DCN: variants seen among roughly 807,000 people sequenced by gnomAD.
DCN encodes the protein bone proteoglycan II.
Under a neutral mutation model 36.5 loss-of-function variants are expected in DCN, and 17 were observed. The observed-to-expected ratio is 0.47, with a 90% CI of 0.32 to 0.70. The LOEUF (loss-of-function observed/expected upper bound fraction) is 0.70. Among genes scored for constraint, DCN ranks in the 30% least tolerant of loss-of-function variants. The pLI is 0.04. For missense variants in DCN, 389 were observed against 430.1 expected (o/e 0.90, Z 0.84); for synonymous variants, 163 against 161.4 (o/e 1.01, Z -0.07).
chr12:91,149,128 A>G (rs1881241892), intron 7 of DCN, among the ~76,000 whole-genome samples: 1 of 151,010 alleles, frequency 6.6e-6, no homozygotes, highest in African/African-American at 2.5e-5. Context: ...AAAGCCAGAC[A>G]AAATTCATCA....
chr12:91,179,539 C>T (rs563139176), intron 1 of DCN: 2 of 152,192 alleles, frequency 1.3e-5, no homozygotes, highest in South Asian at 4.2e-4. Context: ...TTGGTCTGTC[C>T]CTCACTAGAC....
At chr12:91,174,022 G>T (rs1883141871) in intron 2 of DCN, among the ~76,000 whole-genome samples, 1 of 152,116 alleles carries the variant, frequency 6.6e-6, no homozygotes, top group Admixed American at 6.5e-5. Flanking sequence ...GTAGTTATTT[G>T]CAATGCTTCT....
intron 3 of DCN, among the ~76,000 whole-genome samples, chr12:91,161,085 C>A (rs573544647): frequency 7.2e-5 from 11 of 152,178 alleles, no homozygotes; most frequent in African/African-American, 1.9e-4. Flanking sequence ...ATGAATGAAA[C>A]AGTAAGAGAA....
intron 7 of DCN, among the ~76,000 whole-genome samples, chr12:91,148,721 CAAAAAAAAAAA>C (rs5799978): frequency 6.5e-4 from 32 of 49,478 alleles, no homozygotes; most frequent in Middle Eastern, 0.037. Context: ...CGCTCCGACT[CAAAAAAAAAAA>C]AAAAAAAAAA....
At chr12:91,157,901 T>TC (rs1881899494) in intron 4 of DCN, among the ~76,000 whole-genome samples, 1 of 152,174 alleles carries the variant, frequency 6.6e-6, no homozygotes, top group African/African-American at 2.4e-5. Flanking sequence ...GTGCTGGGAT[T>TC]ACAGGCATGA....
chr12:91,178,246 TAG>T (rs1302816237), intron 2 of DCN, 94 bp downstream of exon 2: 6 of 1,123,102 alleles, frequency 5.3e-6, no homozygotes, highest in Non-Finnish European at 8.1e-6. Flanking sequence ...CTCTCAAATT[TAG>T]AGAGATTAAA....
intron 7 of DCN, among the ~76,000 whole-genome samples, chr12:91,148,174 C>T (rs996725594): frequency 6.6e-6 from 1 of 151,664 alleles, no homozygotes; most frequent in South Asian, 2.1e-4. Context: ...CCCGGGTTCA[C>T]GCCATTCTCC....
At chr12:91,157,028 C>A (rs759169003) in intron 5 of DCN, 47 bp downstream of exon 5, 5 of 1,347,964 alleles carry the variant, frequency 3.7e-6, no homozygotes, top group Non-Finnish European at 5.3e-6. Context: ...TTAATTAAAG[C>A]CTTTGAATTT....
At chr12:91,178,759 G>A (rs3138166) in intron 1 of DCN, among the ~76,000 whole-genome samples, 174 bp from the exon 2 acceptor site, 2,572 of 152,254 alleles carry the variant, frequency 0.017, 69 homozygotes, top group African/African-American at 0.058. Flanking sequence ...GTACATTATA[G>A]TATCATTTGC....
chr12:91,154,886 C>A (rs1312480672), intron 5 of DCN, among the ~76,000 whole-genome samples: 3 of 152,034 alleles, frequency 2.0e-5, no homozygotes, highest in African/African-American at 7.2e-5. Context: ...TATAGAAATG[C>A]AGAATAATTA....
At chr12:91,177,207 T>G (rs1883346910) in intron 2 of DCN, 1 of 204,274 alleles carries the variant, frequency 4.9e-6, no homozygotes, top group East Asian at 1.2e-4. Context: ...TTTAAATAGC[T>G]ATACAATATA....
intron 3 of DCN, among the ~76,000 whole-genome samples, 171 bp downstream of exon 3, chr12:91,164,434 G>T (rs1592695456): frequency 1.6e-5 from 2 of 124,008 alleles, no homozygotes; most frequent in Admixed American, 8.3e-5. Flanking sequence ...GAAAAACAGT[G>T]TTTGGGGCAG....
At chr12:91,180,595 A>G (rs1319189399) in intron 1 of DCN, 1 of 152,128 alleles carries the variant, frequency 6.6e-6, no homozygotes, top group Non-Finnish European at 1.5e-5. Flanking sequence ...GTGGCTTTTC[A>G]TTTAACAAAA....
intron 3 of DCN, among the ~76,000 whole-genome samples, chr12:91,161,158 A>T (rs561254743): frequency 6.6e-6 from 1 of 152,208 alleles, no homozygotes; most frequent in South Asian, 2.1e-4. Flanking sequence ...TATTCATCTG[A>T]TGTATACTTT....
chr12:91,145,708 G>T lies in DCN; in HGVS notation c.*350C>A. On this transcript the variant is annotated 3_prime_UTR_variant, in exon 8 of 8. Transcript: ENST00000052754. The stretch of plus-strand genomic sequence containing the variant: ...TGAGCTAACTGCTCAATGAATTACA[G>T]AAGACTCATACTCTTTTTATTTTTT... The T allele has an allele frequency of 2.5e-6, 1 of 398,010 alleles. No individual in the cohort carries two copies. Among genetic ancestry groups the T allele is most frequent in the Admixed American group, 3.6e-5 (1 of 27,692 alleles). 24.7% of individuals were successfully genotyped at this position (398,010 alleles called of 1,614,324 possible).
intron 2 of DCN, among the ~76,000 whole-genome samples, chr12:91,171,974 T>G (rs1446824991): frequency 2.6e-5 from 4 of 152,104 alleles, no homozygotes; most frequent in Non-Finnish European, 4.4e-5. Flanking sequence ...AATTCTAAAT[T>G]TTCCACTAAA....
chr12:91,179,525 G>C (rs905644052), intron 1 of DCN: 3 of 152,006 alleles, frequency 2.0e-5, no homozygotes, highest in Non-Finnish European at 4.4e-5. Context: ...TTTGTTTTGC[G>C]TGCTTGGTCT....
chr12:91,171,413 C>T (rs929261708), intron 2 of DCN, among the ~76,000 whole-genome samples: 14 of 152,146 alleles, frequency 9.2e-5, no homozygotes, highest in Non-Finnish European at 1.8e-4. Flanking sequence ...ATTTTCTATC[C>T]TGCATGCTCT....
chr12:91,144,429 G>A lies in DCN; in HGVS notation c.*1629C>T, dbSNP rs1223465920. On this transcript the variant is annotated 3_prime_UTR_variant, in exon 8 of 8. Transcript: ENST00000052754. ...ACCACCTATTCAACTGTAGTCATGA[G>A]AGGAGGATCTCTTGGGAGATGAAAA... 1 of 152,126 alleles carries A rather than the reference G, an allele frequency of 6.6e-6. No individual in the cohort carries two copies. Among genetic ancestry groups the A allele is most frequent in the African/African-American group, 2.4e-5 (1 of 41,432 alleles). The allele number at this position is 152,126 out of a possible 1,614,324, so 9.4% of individuals were successfully genotyped here.
Sources: allele counts gnomAD v4.1 joint callset (sites outside exome capture counted in the v4.1 genomes callset), GRCh38; gene constraint gnomAD v4.1.1; transcripts MANE v1.5; gene names NCBI Gene and HGNC (gene_info 2026-07-23, HGNC 2026-07-21).